SH3BP1: variants seen among roughly 807,000 people sequenced by gnomAD.
SH3BP1 encodes the protein SH3 domain-binding protein 1.
Under a neutral mutation model 69.8 loss-of-function variants are expected in SH3BP1, and 46 were observed. The ratio of observed to expected loss-of-function variants is 0.66; its 90% CI spans 0.52 to 0.84. The LOEUF is 0.84. Ranked by LOEUF, SH3BP1 falls within the 40% of genes least tolerant of loss-of-function variation. The pLI is 0.00. For missense variants in SH3BP1, 868 were observed against 930.9 expected (o/e 0.93, Z 0.88); for synonymous variants, 403 against 378.0 (o/e 1.07, Z -0.77).
chr22:37,655,155 G>A, intron 17 of SH3BP1, 117 bp from the exon 18 acceptor site: 4 of 723,382 alleles, frequency 5.5e-6, no homozygotes, highest in Non-Finnish European at 6.5e-6. Context: ...CCGCAGAAAC[G>A]GTGTTCCCGG....
intron 14 of SH3BP1, among the ~76,000 whole-genome samples, chr22:37,649,321 C>T (rs1203564408): frequency 6.6e-6 from 1 of 151,964 alleles, no homozygotes; most frequent in African/African-American, 2.4e-5. Flanking sequence ...GACCCTGTCT[C>T]TACAAAAAAT....
At chr22:37,645,121 A>G (rs1601583533) in intron 9 of SH3BP1, 161 bp downstream of exon 9, 1 of 844,198 alleles carries the variant, frequency 1.2e-6, no homozygotes, top group Non-Finnish European at 1.8e-6. Flanking sequence ...TACTGTGTGG[A>G]GGGTGGAGTG....
intron 14 of SH3BP1, 183 bp from the exon 15 acceptor site, chr22:37,649,969 G>A: frequency 2.7e-6 from 2 of 731,514 alleles, no homozygotes; most frequent in Non-Finnish European, 2.5e-6. Flanking sequence ...TGTCTGTCAG[G>A]GTGAAGGAAG....
In SH3BP1 at chr22:37,643,340, C is replaced by T. The variant is rs1267788586; in HGVS notation, c.473+166C>T. ...CTAGGAGCACAGGTGGTTAGCGTATCTGTGAGGGTGTGCCCGCGTGTGTCA... is the reference window on the plus strand; with the variant it reads ...CTAGGAGCACAGGTGGTTAGCGTATTTGTGAGGGTGTGCCCGCGTGTGTCA... On this transcript the variant is annotated intron_variant, in intron 6 of 17. Transcript: ENST00000649765. 2.6e-5 allele frequency: 18 copies of T among 700,336 alleles called. No homozygotes were observed. The Admixed American group carries it at 3.0e-4, about 12-fold the overall frequency. 43.4% of individuals were successfully genotyped at this position (700,336 alleles called of 1,614,324 possible). A position where few individuals can be genotyped will look rare whatever the true frequency, so the allele number is the denominator to read the frequency against.
At chr22:37,642,801 G>A in intron 4 of SH3BP1, 94 bp from the exon 5 acceptor site, 1 of 1,593,244 alleles carries the variant, frequency 6.3e-7, no homozygotes. Flanking sequence ...ATATCTAGGA[G>A]GGGCCGGAAG....
chr22:37,649,972 G>A, intron 14 of SH3BP1, 180 bp from the exon 15 acceptor site: 2 of 739,226 alleles, frequency 2.7e-6, no homozygotes, highest in South Asian at 2.9e-5. Context: ...CTGTCAGGGT[G>A]AAGGAAGGGG....
In SH3BP1 at chr22:37,643,414, T is replaced by A. The variant is rs186801689; in HGVS notation, c.474-230T>A. 189 of 671,792 alleles carry A rather than the reference T, an allele frequency of 2.8e-4. 1 individual carries two copies. The East Asian group carries it at 4.9e-3, about 17-fold the overall frequency. The allele number at this position is 671,792 out of a possible 1,614,324, so 41.6% of individuals were successfully genotyped here. On this transcript the variant is annotated intron_variant, in intron 6 of 17. Coordinates refer to ENST00000649765, the MANE Select transcript of SH3BP1 (RefSeq NM_018957.6). ...AAGCCTGGGATCCTGTAAACAGTCC[T>A]GCGGCAGCCCTGTTCTCCCCTCTGT...
Position 37,639,696 on chromosome 22 carries a change from A to G in SH3BP1, c.-92A>G. 1 of 782,334 alleles carries G rather than the reference A, an allele frequency of 1.3e-6. No individual in the cohort carries two copies. The allele number at this position is 782,334 out of a possible 1,614,324, so 48.5% of individuals were successfully genotyped here. ...GAGCGCCGCCCACCCATCCGGGGCA[A>G]GAGCCGCGCCGCAGGAGAGGCAGGC... is the stretch of plus-strand genomic sequence containing the variant. On this transcript the variant is annotated 5_prime_UTR_variant, in exon 1 of 18. Transcript: ENST00000649765.
chr22:37,640,771 C>T (rs1443580644), intron 1 of SH3BP1: 1 of 333,604 alleles, frequency 3.0e-6, no homozygotes. Context: ...AGCTAATACT[C>T]CTCATCCCGG....
At chr22:37,643,426 G>A (rs1894527) in intron 6 of SH3BP1, 54,870 of 687,910 alleles carry the variant, frequency 0.08, 2,719 homozygotes, top group African/African-American at 0.17. Flanking sequence ...CGGCAGCCCT[G>A]TTCTCCCCTC....
intron 10 of SH3BP1, among the ~76,000 whole-genome samples, chr22:37,646,418 G>C (rs572712940): frequency 6.6e-6 from 1 of 151,788 alleles, no homozygotes; most frequent in Admixed American, 6.6e-5. Context: ...ACCATGCCCA[G>C]CTAATTTTTT....
At chr22:37,644,991 C>A in intron 9 of SH3BP1, 31 bp downstream of exon 9, 1 of 1,586,456 alleles carries the variant, frequency 6.3e-7, no homozygotes, top group South Asian at 1.1e-5. Flanking sequence ...ATACCACACC[C>A]CTGACCCTGC....
intron 9 of SH3BP1, 82 bp downstream of exon 9, chr22:37,645,042 A>G (rs1932758990): frequency 1.6e-6 from 2 of 1,276,188 alleles, no homozygotes; most frequent in African/African-American, 3.0e-5. Context: ...TTCATCCTGA[A>G]AGGTAGCAGG....
chr22:37,640,948 G>A (rs2146042032), intron 1 of SH3BP1, 178 bp from the exon 2 acceptor site: 1 of 618,522 alleles, frequency 1.6e-6, no homozygotes, highest in East Asian at 2.7e-5. Flanking sequence ...CCACCCCCAT[G>A]GAATGTGCTC....
At position 37,647,653 on chromosome 22, in the gene SH3BP1, A is replaced by G. The variant is rs8136414; in HGVS notation, c.1199+132A>G. 2,205 of 534,194 alleles carry G rather than the reference A, an allele frequency of 4.1e-3. 57 individuals are homozygous for G. The highest frequency in any genetic ancestry group is 0.039 in the African/African-American group (1,948 of 50,484). The allele number at this position is 534,194 out of a possible 1,614,324, so 33.1% of individuals were successfully genotyped here. On this transcript the variant is annotated intron_variant, in intron 13 of 17. Coordinates refer to ENST00000649765, the MANE Select transcript of SH3BP1 (RefSeq NM_018957.6). ...AAATATTACTGAAAATGCAGCTTTGATGGATTAGTCATTTATATATATAAT... is the reference window on the plus strand; with the variant it reads ...AAATATTACTGAAAATGCAGCTTTGGTGGATTAGTCATTTATATATATAAT...
In SH3BP1 at chr22:37,642,565, C is replaced by T. The variant is rs1263457236; in HGVS notation, c.234C>T (p.Ser78=). Residue 78 remains serine, a synonymous_variant, in exon 4 of 18, where the codon TCC becomes TCT. Transcript: ENST00000649765. ...RVKKLPLMAL[S]TTMAESFKEL... ...AGAAGCTTCCCCTCATGGCTCTGTC[C>T]ACCACGATGGCTGAGAGCTTCAAGG... The T allele has an allele frequency of 3.4e-5, 55 of 1,613,242 alleles. No homozygotes were observed. The highest frequency in any genetic ancestry group is 4.4e-5 in the Non-Finnish European group (52 of 1,180,014).
rs1251075720 is a variant in SH3BP1 at position 37,647,513 on chromosome 22, C to T, written c.1191C>T (p.Ser397=). 1.2e-6 allele frequency: 2 copies of T among 1,603,416 alleles called. No individual in the cohort carries two copies. Among genetic ancestry groups the T allele is most frequent in the African/African-American group, 2.7e-5 (2 of 74,734 alleles). Residue 397 remains serine (S), a synonymous_variant, in exon 13 of 18, where the codon AGC becomes AGT. Transcript: ENST00000649765. ...GCCGCCTACCCCCCGAGAACCTCAG[C>T]AACCTCAGGTGAGCCCGAGCCCGCC... ...VCSRLPPENL[S]NLRYLMKFLA... is the part of the protein sequence containing the mutation.
At chr22:37,645,998 GCT>G (rs1371233963) in intron 10 of SH3BP1, among the ~76,000 whole-genome samples, 1 of 125,320 alleles carries the variant, frequency 8.0e-6, no homozygotes, top group Non-Finnish European at 1.6e-5. Context: ...ATGGAGTGTT[GCT>G]CTGTTACCCA....
At chr22:37,648,282 C>T (rs376189409) in intron 13 of SH3BP1, 37 bp from the exon 14 acceptor site, 6 of 1,418,294 alleles carry the variant, frequency 4.2e-6, no homozygotes, top group Admixed American at 1.9e-5. Flanking sequence ...GGGCTGGGTG[C>T]GTTCTGCCCC....
Sources: allele counts gnomAD v4.1 joint callset (sites outside exome capture counted in the v4.1 genomes callset), GRCh38; gene constraint gnomAD v4.1.1; transcripts MANE v1.5; gene names NCBI Gene and HGNC (gene_info 2026-07-23, HGNC 2026-07-21).